Variants in FGF18 observed in about 807,000 individuals in gnomAD.
FGF18 encodes the protein fibroblast growth factor 18.
FGF18 carries 5 observed loss-of-function variants against 23.0 expected under a neutral mutation model. That is an observed-to-expected ratio of 0.22 (90% CI 0.11 to 0.46). The LOEUF is 0.46. Ranked by LOEUF, FGF18 falls within the 20% of genes least tolerant of loss-of-function variation. The pLI, the probability that FGF18 is intolerant of heterozygous loss-of-function variation, is 0.99. For synonymous variants in FGF18, 117 were observed against 118.9 expected, an observed-to-expected ratio of 0.98 and a Z score of 0.10; for missense variants, 180 against 291.6, an observed-to-expected ratio of 0.62 and a Z score of 2.79.
chr5:171,424,132 G>GGAGCCTGCTTCTTGCTGC (rs1425280470), intron 2 of FGF18, among the ~76,000 whole-genome samples: 6 of 152,102 alleles, frequency 3.9e-5, no homozygotes, highest in Non-Finnish European at 8.8e-5. Flanking sequence ...ATACTTGCTG[G>GGAGCCTGCTTCTTGCTGC]GAGCCTGCTT....
chr5:171,428,737 T>C (rs551677418), intron 2 of FGF18, among the ~76,000 whole-genome samples: 2 of 152,266 alleles, frequency 1.3e-5, no homozygotes, highest in African/African-American at 4.8e-5. Context: ...CTCATGGGCA[T>C]GGATGGCCAT....
intron 2 of FGF18, among the ~76,000 whole-genome samples, chr5:171,422,427 G>A (rs1341222870): frequency 6.6e-6 from 1 of 152,206 alleles, no homozygotes; most frequent in East Asian, 1.9e-4. Context: ...TACCCTTGGA[G>A]TGTCAAAGGA....
intron 2 of FGF18, among the ~76,000 whole-genome samples, chr5:171,432,720 G>T (rs973032425): frequency 2.0e-5 from 3 of 152,170 alleles, no homozygotes; most frequent in Admixed American, 6.5e-5. Flanking sequence ...CCAGCCTAGG[G>T]GTCTTCTTAG....
intron 3 of FGF18, among the ~76,000 whole-genome samples, chr5:171,442,971 T>G (rs182562872): frequency 2.0e-5 from 3 of 152,372 alleles, no homozygotes; most frequent in Admixed American, 6.5e-5. Context: ...CTGGCCTTGC[T>G]CTGCCTGTGT....
Position 171,456,812 on chromosome 5 carries a change from C to A in FGF18, c.*7C>A. ...GCCCACACACCCTGCCTAGGCCACCCCGCCGCGGCCCCTCAGGTCGCCCTG... is the reference window on the plus strand; with the variant it reads ...GCCCACACACCCTGCCTAGGCCACCACGCCGCGGCCCCTCAGGTCGCCCTG... On this transcript the variant is annotated 3_prime_UTR_variant, in exon 5 of 5. Transcript: ENST00000274625. This position sits in a 1 kb window ranked among gnomAD's most constrained non-coding sequence, Gnocchi z 6.1. 1 of 1,600,342 alleles carries A rather than the reference C, an allele frequency of 6.2e-7. No individual in the cohort carries two copies. The highest frequency in any genetic ancestry group is 1.1e-5 in the South Asian group (1 of 90,212).
chr5:171,423,280 G>A (rs1488122839), intron 2 of FGF18, among the ~76,000 whole-genome samples: 4 of 152,190 alleles, frequency 2.6e-5, no homozygotes, highest in Admixed American at 2.6e-4. Context: ...ACACGACTCA[G>A]GACACCGTAG....
chr5:171,443,154 G>T (rs1340947224), intron 3 of FGF18, among the ~76,000 whole-genome samples: 1 of 147,484 alleles, frequency 6.8e-6, no homozygotes, highest in Non-Finnish European at 1.5e-5. Flanking sequence ...TTTTTAGATG[G>T]AGTCTCGCCC....
In FGF18 at chr5:171,456,772, G is replaced by C; in HGVS notation, c.591G>C (p.Arg197Ser). ...TCAAGTACACGACGGTGACCAAGAGGTCCCGTCGGATCCGGCCCACACACC... is the reference window on the plus strand; with the variant it reads ...TCAAGTACACGACGGTGACCAAGAGCTCCCGTCGGATCCGGCCCACACACC... Reference protein sequence around the residue: ...KPFKYTTVTKRSRRIRPTHPA With the variant: ...KPFKYTTVTKSSRRIRPTHPA Residue 197 changes from arginine (R) to serine (S), a missense_variant, in exon 5 of 5, where the codon AGG becomes AGC. Around this residue, in one of 3 missense-constraint regions of FGF18, gnomAD observed 40 missense variants for 41.4 expected, o/e 0.97. Transcript: ENST00000274625. The surrounding 1 kb of genome is among the most constrained non-coding windows in gnomAD (Gnocchi z 6.1). The C allele has an allele frequency of 6.2e-7, 1 of 1,613,904 alleles. No individual in the cohort carries two copies. The highest frequency in any genetic ancestry group is 1.1e-5 in the South Asian group (1 of 91,074).
intron 2 of FGF18, among the ~76,000 whole-genome samples, chr5:171,430,757 CGT>C (rs1772169054): frequency 7.2e-6 from 1 of 138,562 alleles, no homozygotes; most frequent in Non-Finnish European, 1.5e-5. Flanking sequence ...CACTGCAGTC[CGT>C]AGTCCGGCCT....
At chr5:171,454,321 C>T (rs1286327694) in intron 4 of FGF18, among the ~76,000 whole-genome samples, 2 of 152,310 alleles carry the variant, frequency 1.3e-5, no homozygotes, top group African/African-American at 4.8e-5. Context: ...GTTCTGTTTG[C>T]TCCAACTATT....
At chr5:171,444,476 A>T (rs758752038) in intron 3 of FGF18, among the ~76,000 whole-genome samples, 5 of 152,240 alleles carry the variant, frequency 3.3e-5, no homozygotes, top group African/African-American at 4.8e-5. Flanking sequence ...TGCCCAGCAC[A>T]TCATAAGCTC....
chr5:171,456,408 C>G lies in FGF18; in HGVS notation c.358-131C>G, dbSNP rs76588099. ...CAGAGTTAAGCTCAATCTCTCTCCC[C>G]CACTGCAAAACTTCATTACAGTTGT... On this transcript the variant is annotated intron_variant, in intron 4 of 4. Transcript: ENST00000274625. The surrounding 1 kb of genome is among the most constrained non-coding windows in gnomAD (Gnocchi z 6.1). 0.029 allele frequency: 24,256 copies of G among 848,966 alleles called. 971 individuals carry two copies. Among genetic ancestry groups the G allele is most frequent in the African/African-American group, 0.13 (7,553 of 58,642 alleles). The allele number at this position is 848,966 out of a possible 1,614,324, so 52.6% of individuals were successfully genotyped here.
In FGF18 at chr5:171,420,453, C is replaced by G. The variant is rs761487899; in HGVS notation, c.69+10C>G. The G allele has an allele frequency of 2.9e-5, 46 of 1,612,264 alleles. 1 individual carries two copies. The African/African-American group carries it at 5.9e-4, about 21-fold the overall frequency. ...GTGCTTCCAGGTACAGGTACGTGGG[C>G]TCCTGACTTTGACCTCCTCCCGCCC... On this transcript the variant is annotated intron_variant, in intron 2 of 4. Coordinates refer to ENST00000274625, the MANE Select transcript of FGF18 (RefSeq NM_003862.3).
chr5:171,438,003 G>T (rs1772277602), intron 3 of FGF18, among the ~76,000 whole-genome samples: 1 of 152,152 alleles, frequency 6.6e-6, no homozygotes, highest in Non-Finnish European at 1.5e-5. Flanking sequence ...AATCTTTCCT[G>T]CTGTGTGACC....
chr5:171,449,218 C>T lies in FGF18; in HGVS notation c.322C>T (p.Leu108=). The change falls in exon 4 of 5, where the codon CTG becomes TTG. Residue 108 remains leucine, a synonymous_variant. Transcript: ENST00000274625. The part of the protein sequence containing the change: ...RIKGKETEFY[L]CMNRKGKLVG... ...CAAGGGCAAGGAGACGGAATTCTAC[C>T]TGTGCATGAACCGCAAAGGCAAGCT... 6.2e-7 allele frequency: 1 copy of T among 1,614,126 alleles called. No individual in the cohort carries two copies. Among genetic ancestry groups the T allele is most frequent in the Admixed American group, 1.7e-5 (1 of 60,026 alleles).
intron 3 of FGF18, among the ~76,000 whole-genome samples, chr5:171,444,851 T>A (rs1412015461): frequency 2.6e-5 from 4 of 152,204 alleles, no homozygotes; most frequent in Non-Finnish European, 5.9e-5. Context: ...GGCTTACTGG[T>A]CGCTCACTCT....
rs985570320 is a variant in FGF18 at position 171,436,696 on chromosome 5, G to A, written c.250+423G>A. On this transcript the variant is annotated intron_variant, in intron 3 of 4. Coordinates refer to ENST00000274625, the MANE Select transcript of FGF18 (RefSeq NM_003862.3). This position sits in a 1 kb window ranked among gnomAD's most constrained non-coding sequence, Gnocchi z 4.4. ...TCAGCCTAGTGTGTGTGTTATGTGC[G>A]CGTGTGCATATGGGTGCTTTGAGCT... Among the ~76,000 whole-genome samples the A allele has an allele frequency of 3.3e-5, 5 of 152,294 alleles. No individual in the cohort carries two copies. The highest frequency in any genetic ancestry group is 3.4e-3 in the Middle Eastern group (1 of 294).
At chr5:171,443,508 T>TTTTTTTTC in intron 3 of FGF18, among the ~76,000 whole-genome samples, 1 of 114,800 alleles carries the variant, frequency 8.7e-6, no homozygotes, top group African/African-American at 3.6e-5. Flanking sequence ...ATCATTTTTT[T>TTTTTTTTC]TTTTTTTTTT....
rs559377831 is a variant in FGF18, at chr5:171,450,446, G to C, written c.357+1193G>C. On this transcript the variant is annotated intron_variant, in intron 4 of 4. Coordinates refer to ENST00000274625, the MANE Select transcript of FGF18 (RefSeq NM_003862.3). ...GAAACGCTCCCAGTGAATCCCAGGA[G>C]GCTGCCACCGCTACCATCCCCATTC... Among the ~76,000 whole-genome samples the C allele has an allele frequency of 7.9e-5, 12 of 152,280 alleles. 1 individual carries two copies. In the South Asian group the frequency reaches 2.5e-3, roughly 32 times the overall value.
Sources: gnomAD v4.1 joint callset for allele counts (sites outside exome capture counted in the v4.1 genomes callset) on GRCh38, gnomAD v4.1.1 for gene constraint, gnomAD v4.1.1 regional missense constraint, Gnocchi (gnomAD v3.1) non-coding constraint, MANE v1.5 for transcripts, NCBI Gene and HGNC (gene_info 2026-07-23, HGNC 2026-07-21) for gene names.